Variants in ARFGEF3 observed in about 807,000 individuals in gnomAD.
ARFGEF3 encodes brefeldin A-inhibited guanine nucleotide-exchange protein 3.
A neutral mutation model predicts 221.7 loss-of-function variants in ARFGEF3; 96 were observed. The observed-to-expected ratio is 0.43, with a 90% CI of 0.37 to 0.51. The LOEUF is 0.51. Among genes scored for constraint, ARFGEF3 ranks in the 20% least tolerant of loss-of-function variants. The pLI is 0.00. For missense variants in ARFGEF3, 2,410 were observed against 2,789.9 expected (o/e 0.86, Z 3.07); for synonymous variants, 1,145 against 1,126.8 (o/e 1.02, Z -0.32).
chr6:138,180,537 A>C (rs774623543), intron 2 of ARFGEF3, among the ~76,000 whole-genome samples: 11 of 152,128 alleles, frequency 7.2e-5, no homozygotes, highest in Non-Finnish European at 1.6e-4. Flanking sequence ...ATACAAATGT[A>C]ACTGAGTTTT....
At chr6:138,269,510 A>G (rs576123714) in intron 12 of ARFGEF3, among the ~76,000 whole-genome samples, 13 of 152,282 alleles carry the variant, frequency 8.5e-5, no homozygotes, top group Admixed American at 2.0e-4. Context: ...CTTTGCATCT[A>G]TAGAAAATGC....
At chr6:138,258,399 T>C (rs1355893952) in intron 10 of ARFGEF3, among the ~76,000 whole-genome samples, 2 of 152,208 alleles carry the variant, frequency 1.3e-5, no homozygotes, top group Admixed American at 1.3e-4. Context: ...ATGGGAAAGC[T>C]GAGGCTCTGG....
At chr6:138,173,834 A>G (rs552291046) in intron 2 of ARFGEF3, among the ~76,000 whole-genome samples, 16 of 152,350 alleles carry the variant, frequency 1.1e-4, no homozygotes, top group African/African-American at 3.8e-4. Context: ...GAATATACGC[A>G]TATGTACATG....
chr6:138,311,612 CTT>C (rs1403774355), intron 25 of ARFGEF3, 102 bp downstream of exon 25: 12 of 753,858 alleles, frequency 1.6e-5, no homozygotes, highest in Middle Eastern at 3.5e-4. Context: ...GAGAGAGACA[CTT>C]TGCCGTCTGA....
intron 4 of ARFGEF3, 36 bp from the exon 5 acceptor site, chr6:138,229,748 C>G (rs1027436535): frequency 2.0e-6 from 3 of 1,518,910 alleles, no homozygotes; most frequent in African/African-American, 1.4e-5. Context: ...TACTGTTAAC[C>G]CCTTGTCTCT....
chr6:138,205,051 T>C lies in ARFGEF3; in HGVS notation c.138-1991T>C, dbSNP rs1324708899. ...GCAGGTGAGAGAGTGGAATAAGGAT[T>C]TCAAGGGCTAATACTGCAGATGGCA... is the stretch of plus-strand genomic sequence containing the variant. On this transcript the variant is annotated intron_variant, in intron 2 of 33. Coordinates refer to ENST00000251691, the MANE Select transcript of ARFGEF3 (RefSeq NM_020340.5). 2.6e-5 allele frequency among the ~76,000 whole-genome samples: 4 copies of C among 152,160 alleles called. No homozygotes were observed. In the East Asian group the frequency reaches 7.7e-4, roughly 29 times the overall value.
intron 1 of ARFGEF3, 97 bp from the exon 2 acceptor site, chr6:138,170,565 G>A (rs1776808141): frequency 3.0e-6 from 2 of 677,074 alleles, no homozygotes; most frequent in South Asian, 3.7e-5. Context: ...ATAATTAGAG[G>A]AATTCCTGAA....
At chr6:138,312,473 G>A (rs963780858) in intron 25 of ARFGEF3, among the ~76,000 whole-genome samples, 5 of 151,952 alleles carry the variant, frequency 3.3e-5, no homozygotes, top group Non-Finnish European at 5.9e-5. Context: ...ACCCCTGCCC[G>A]GCTCCCTTTC....
chr6:138,217,819 T>G, intron 4 of ARFGEF3: 1 of 934,264 alleles, frequency 1.1e-6, no homozygotes, highest in Non-Finnish European at 1.5e-6. Flanking sequence ...CAACATGGGT[T>G]TGTATTTTAG....
At chr6:138,199,531 T>C (rs1340059122) in intron 2 of ARFGEF3, among the ~76,000 whole-genome samples, 1 of 152,228 alleles carries the variant, frequency 6.6e-6, no homozygotes, top group Non-Finnish European at 1.5e-5. Context: ...TTCCATTTGT[T>C]TGTGTCGTCT....
At chr6:138,253,536 T>A (rs976449267) in intron 8 of ARFGEF3, among the ~76,000 whole-genome samples, 13 of 152,206 alleles carry the variant, frequency 8.5e-5, no homozygotes, top group African/African-American at 3.1e-4. Flanking sequence ...TCCCCGTGTC[T>A]CTTCACACTG....
At chr6:138,270,472 A>G (rs923093099) in intron 12 of ARFGEF3, among the ~76,000 whole-genome samples, 2 of 151,502 alleles carry the variant, frequency 1.3e-5, no homozygotes, top group South Asian at 2.1e-4. Context: ...ACATATATAT[A>G]TCTGGGCTCT....
At chr6:138,184,084 T>G (rs1777133764) in intron 2 of ARFGEF3, among the ~76,000 whole-genome samples, 2 of 152,222 alleles carry the variant, frequency 1.3e-5, no homozygotes, top group Admixed American at 1.3e-4. Context: ...CTGTACATTT[T>G]TAAAAATTAT....
At chr6:138,190,291 G>C (rs903059389) in intron 2 of ARFGEF3, among the ~76,000 whole-genome samples, 5 of 151,864 alleles carry the variant, frequency 3.3e-5, no homozygotes, top group African/African-American at 9.7e-5. Flanking sequence ...CTGTGTCATG[G>C]GGGTGGAGGA....
chr6:138,179,297 A>G (rs947424644), intron 2 of ARFGEF3, among the ~76,000 whole-genome samples: 1 of 152,220 alleles, frequency 6.6e-6, no homozygotes, highest in African/African-American at 2.4e-5. Context: ...CATTGGCAGC[A>G]AACCTCTTGT....
chr6:138,267,775 C>T (rs1224373965), intron 12 of ARFGEF3, among the ~76,000 whole-genome samples: 2 of 152,216 alleles, frequency 1.3e-5, no homozygotes, highest in African/African-American at 4.8e-5. Flanking sequence ...TTGCAGACTG[C>T]CCAAATTTTA....
At chr6:138,331,497 A>G (rs1289373415) in intron 32 of ARFGEF3, among the ~76,000 whole-genome samples, 1 of 152,258 alleles carries the variant, frequency 6.6e-6, no homozygotes, top group African/African-American at 2.4e-5. Context: ...AGATTACAGC[A>G]TTTAAATAGA....
At chr6:138,237,349 C>T (rs1054676358) in intron 5 of ARFGEF3, among the ~76,000 whole-genome samples, 4 of 151,914 alleles carry the variant, frequency 2.6e-5, no homozygotes, top group Non-Finnish European at 4.4e-5. Context: ...TTTTTGTTTT[C>T]GTGTCTCTAA....
intron 2 of ARFGEF3, among the ~76,000 whole-genome samples, chr6:138,187,354 GGACCA>G (rs1338847209): frequency 6.6e-6 from 1 of 152,178 alleles, no homozygotes; most frequent in Non-Finnish European, 1.5e-5. Flanking sequence ...GGAGGGAGTT[GGACCA>G]GAGTCCTTTT....
Sources: allele counts gnomAD v4.1 joint callset (sites outside exome capture counted in the v4.1 genomes callset), GRCh38; gene constraint gnomAD v4.1.1; transcripts MANE v1.5; gene names NCBI Gene and HGNC (gene_info 2026-07-23, HGNC 2026-07-21).